PLSCR2: variants seen among roughly 807,000 people sequenced by gnomAD.
PLSCR2 encodes phospholipid scramblase 2, also known as PL scramblase 2.
PLSCR2 carries 18 observed loss-of-function variants against 25.3 expected under a neutral mutation model. The ratio of observed to expected loss-of-function variants is 0.71; its 90% CI spans 0.49 to 1.06. The LOEUF (loss-of-function observed/expected upper bound fraction) is 1.06, where lower values mean the gene tolerates loss of function less well. Among genes scored for constraint, PLSCR2 ranks in the 50% least tolerant of loss-of-function variants. The probability of loss-of-function intolerance (pLI) is 0.00; values close to 1 mark genes in which losing one functional copy is unlikely to be tolerated. For synonymous variants in PLSCR2, 88 were observed against 87.3 expected (o/e 1.01, Z -0.04); for missense variants, 243 against 269.5 (o/e 0.90, Z 0.69).
chr3:146,400,797 T>C (rs1490513314), intron 2 of PLSCR2, among the ~76,000 whole-genome samples: 1 of 151,876 alleles, frequency 6.6e-6, no homozygotes, highest in East Asian at 1.9e-4. Context: ...TGTATATATA[T>C]TTGTATGTAT....
chr3:146,397,097 C>T (rs1316387494), intron 2 of PLSCR2, among the ~76,000 whole-genome samples: 1 of 152,008 alleles, frequency 6.6e-6, no homozygotes, highest in East Asian at 1.9e-4. Context: ...AGTATTCAGC[C>T]TCTGTTGTAT....
intron 5 of PLSCR2, 151 bp from the exon 6 acceptor site, chr3:146,449,518 G>C: frequency 2.1e-6 from 1 of 485,638 alleles, no homozygotes; most frequent in South Asian, 4.5e-5. Context: ...GATGCATATA[G>C]GCTCCTGTAT....
chr3:146,431,747 G>A (rs924771618), downstream of PLSCR2, among the ~76,000 whole-genome samples: 3 of 152,056 alleles, frequency 2.0e-5, no homozygotes, highest in Admixed American at 6.6e-5. Context: ...TACGAAGACT[G>A]GGGTGCAACA....
chr3:146,454,263 T>C (rs1441010722), intron 4 of PLSCR2, 100 bp from the exon 5 acceptor site: 1 of 808,816 alleles, frequency 1.2e-6, no homozygotes, highest in Non-Finnish European at 1.9e-6. Context: ...CCAGACATTG[T>C]AAGTGAGGAC....
intron 2 of PLSCR2, among the ~76,000 whole-genome samples, chr3:146,419,252 G>A (rs1465246868): frequency 2.6e-5 from 4 of 151,996 alleles, no homozygotes; most frequent in Non-Finnish European, 5.9e-5. Flanking sequence ...GTTCAGCTAA[G>A]CATTCTATCA....
At chr3:146,480,414 C>T (rs868313553) in intron 1 of PLSCR2, among the ~76,000 whole-genome samples, 1 of 151,932 alleles carries the variant, frequency 6.6e-6, no homozygotes, top group Non-Finnish European at 1.5e-5. Flanking sequence ...ATATCACCAC[C>T]GACCCCACAG....
downstream of PLSCR2, among the ~76,000 whole-genome samples, chr3:146,441,540 T>C (rs1364269337): frequency 6.6e-6 from 1 of 151,830 alleles, no homozygotes; most frequent in African/African-American, 2.4e-5. Flanking sequence ...ATATATACAA[T>C]GAATAATCTA....
At chr3:146,432,176 C>T (rs1040107525), downstream of PLSCR2, among the ~76,000 whole-genome samples, 1 of 151,960 alleles carries the variant, frequency 6.6e-6, no homozygotes, top group South Asian at 2.1e-4. Flanking sequence ...ATGAACTTAC[C>T]GTGTCCAATT....
intron 3 of PLSCR2, 105 bp downstream of exon 3, chr3:146,458,306 C>T (rs1353208799): frequency 2.0e-5 from 19 of 949,434 alleles, no homozygotes; most frequent in South Asian, 1.9e-5. Context: ...GTCAGTTTTA[C>T]CATCCCACAT....
upstream of PLSCR2, among the ~76,000 whole-genome samples, chr3:146,460,904 T>C (rs2041535250): frequency 6.6e-6 from 1 of 152,326 alleles, no homozygotes; most frequent in South Asian, 2.1e-4. Context: ...ACATCAATTA[T>C]GATATTGCGG....
chr3:146,465,576 A>AC (rs2041824148), intron 1 of PLSCR2, among the ~76,000 whole-genome samples: 1 of 151,510 alleles, frequency 6.6e-6, no homozygotes, highest in African/African-American at 2.4e-5. Context: ...CCTCCACAAA[A>AC]AAAAAAAAAA....
intron 2 of PLSCR2, among the ~76,000 whole-genome samples, chr3:146,417,921 G>C (rs1486005660): frequency 3.9e-5 from 6 of 151,948 alleles, no homozygotes; most frequent in Non-Finnish European, 8.8e-5. Flanking sequence ...AATTTCTGGT[G>C]GTCAGAAGTT....
At chr3:146,483,443 ACACATGTATG>A (rs1377967288) in intron 1 of PLSCR2, among the ~76,000 whole-genome samples, 696 of 61,966 alleles carry the variant, frequency 0.011, 31 homozygotes, top group African/African-American at 0.032. Flanking sequence ...ATATATATAT[ACACATGTATG>A]TATATATATA....
At chr3:146,434,715 T>C (rs2039724093) in intron 8 of PLSCR2, among the ~76,000 whole-genome samples, 1 of 152,074 alleles carries the variant, frequency 6.6e-6, no homozygotes, top group African/African-American at 2.4e-5. Context: ...CCAATAGTGA[T>C]TTAGTTATTC....
chr3:146,420,216 T>C (rs62274675), intron 2 of PLSCR2, among the ~76,000 whole-genome samples: 37,519 of 151,892 alleles, frequency 0.25, 5,117 homozygotes, highest in South Asian at 0.44. Flanking sequence ...TATAGAGGAG[T>C]AGATTTTCAG....
upstream of PLSCR2, among the ~76,000 whole-genome samples, chr3:146,464,639 A>G (rs1399110840): frequency 2.0e-5 from 3 of 152,218 alleles, no homozygotes; most frequent in African/African-American, 7.2e-5. Context: ...AGTTACTCCA[A>G]AACAAACACA....
chr3:146,435,414 T>C (rs1215593502), intron 8 of PLSCR2, among the ~76,000 whole-genome samples: 1 of 152,148 alleles, frequency 6.6e-6, no homozygotes, highest in Non-Finnish European at 1.5e-5. Context: ...CCTATTTCTC[T>C]ACATCCTCTC....
At chr3:146,442,249 G>T (rs988348755) in intron 6 of PLSCR2, among the ~76,000 whole-genome samples, 2 of 151,846 alleles carry the variant, frequency 1.3e-5, no homozygotes, top group Non-Finnish European at 2.9e-5. Flanking sequence ...TAAATACTAA[G>T]GAATACATTT....
intron 3 of PLSCR2, among the ~76,000 whole-genome samples, chr3:146,456,493 C>T (rs1399666460): frequency 6.6e-6 from 1 of 152,136 alleles, no homozygotes; most frequent in Non-Finnish European, 1.5e-5. Flanking sequence ...AAATTGATTC[C>T]TCTGTGGTCA....
Sources: allele counts gnomAD v4.1 joint callset (sites outside exome capture counted in the v4.1 genomes callset), GRCh38; gene constraint gnomAD v4.1.1; transcripts MANE v1.5; gene names NCBI Gene and HGNC (gene_info 2026-07-23, HGNC 2026-07-21).